The following RB1CC1 variants were observed in gnomAD, a reference collection of about 807,000 sequenced individuals.
The protein encoded by RB1CC1 is RB1 inducible coiled-coil 1.
A neutral mutation model predicts 177.5 loss-of-function variants in RB1CC1; 46 were observed. That is an observed-to-expected ratio of 0.26 (90% CI 0.20 to 0.33). The LOEUF is 0.33. Among genes scored for constraint, RB1CC1 ranks in the 10% least tolerant of loss-of-function variants. RB1CC1 has a pLI of 1.00. For missense variants in RB1CC1, 1,703 were observed against 1,816.3 expected, an observed-to-expected ratio of 0.94 and a Z score of 1.13; for synonymous variants, 666 against 613.6, an observed-to-expected ratio of 1.09 and a Z score of -1.26.
chr8:52,694,525 T>C (rs1855201723), intron 1 of RB1CC1, among the ~76,000 whole-genome samples: 1 of 152,188 alleles, frequency 6.6e-6, no homozygotes, highest in Non-Finnish European at 1.5e-5. Flanking sequence ...ATAGCCTCAA[T>C]TTTGCCTCTT....
At position 52,661,075 on chromosome 8, in the gene RB1CC1, A is replaced by G. The variant is rs1402772183; in HGVS notation, c.1545+20T>C. 1 of 1,611,402 alleles carries G rather than the reference A, an allele frequency of 6.2e-7. No individual in the cohort carries two copies. Among genetic ancestry groups the G allele is most frequent in the Middle Eastern group, 1.7e-4 (1 of 6,042 alleles). ...TCGTTAAAGTTCATATACAGTTAAA[A>G]TAGAATTCAACTTGCATACCTCCCT... is the stretch of plus-strand genomic sequence containing the variant. On this transcript the variant is annotated intron_variant, in intron 10 of 23. Coordinates refer to ENST00000025008, the MANE Select transcript of RB1CC1 (RefSeq NM_014781.5).
chr8:52,658,124 C>T lies in RB1CC1; in HGVS notation c.1794G>A (p.Arg598=), dbSNP rs778977249. ...FCPSEVQPFL[R]VPLLCDFEPL... is the part of the protein sequence containing the mutation. ...GTTCAAAGTCACAAAGTAAGGGAACCCTGAAACAGAATGCAATGCAATTAG... is the reference window on the plus strand; with the variant it reads ...GTTCAAAGTCACAAAGTAAGGGAACTCTGAAACAGAATGCAATGCAATTAG... The change falls in exon 14 of 24, where the codon AGG becomes AGA. Residue 598 remains arginine (R), a splice_region_variant and synonymous_variant. Coordinates refer to ENST00000025008, the MANE Select transcript of RB1CC1 (RefSeq NM_014781.5). 1.9e-6 allele frequency: 3 copies of T among 1,608,792 alleles called. No homozygotes were observed. Among genetic ancestry groups the T allele is most frequent in the East Asian group, 4.5e-5 (2 of 44,774 alleles).
chr8:52,706,772 C>T (rs1411778127), intron 1 of RB1CC1, among the ~76,000 whole-genome samples: 1 of 151,598 alleles, frequency 6.6e-6, no homozygotes, highest in Non-Finnish European at 1.5e-5. Context: ...GATTCTCTCT[C>T]CTCAGCCTCC....
At chr8:52,628,011 T>G in intron 22 of RB1CC1, 21 bp downstream of exon 22, 1 of 1,539,946 alleles carries the variant, frequency 6.5e-7, no homozygotes, top group Non-Finnish European at 8.7e-7. Context: ...GTTTATATTT[T>G]AGTCATGGAA....
Position 52,656,516 on chromosome 8 carries a change from T to C in RB1CC1, c.3313A>G (p.Ser1105Gly), listed in dbSNP as rs1326565066. The change falls in exon 15 of 24, where the codon AGT becomes GGT. Residue 1105 changes from serine to glycine, a missense_variant. Around this residue, in one of 6 missense-constraint regions of RB1CC1, gnomAD observed 1,169 missense variants for 1,184.7 expected, o/e 0.99. Coordinates refer to ENST00000025008, the MANE Select transcript of RB1CC1 (RefSeq NM_014781.5). ...QETENLRTEI[S>G]KLNQKIQDNN... Reference sequence around the variant, plus strand: ...TCCTGAATCTTTTGGTTGAGTTTACTAATTTCTGTTCTCAAATTTTCTGTC... The same window carrying C: ...TCCTGAATCTTTTGGTTGAGTTTACCAATTTCTGTTCTCAAATTTTCTGTC... 1.2e-6 allele frequency: 2 copies of C among 1,611,434 alleles called. No individual in the cohort carries two copies. The highest frequency in any genetic ancestry group is 4.5e-5 in the East Asian group (2 of 44,848).
At chr8:52,679,919 G>A (rs2150578058) in intron 5 of RB1CC1, among the ~76,000 whole-genome samples, 3 of 152,170 alleles carry the variant, frequency 2.0e-5, no homozygotes, top group Middle Eastern at 3.4e-3. Flanking sequence ...GCTAAATTTT[G>A]TCCAAGGAGA....
chr8:52,651,992 AAAG>A (rs750214182), intron 15 of RB1CC1, among the ~76,000 whole-genome samples: 3 of 152,292 alleles, frequency 2.0e-5, no homozygotes, highest in East Asian at 1.9e-4. Context: ...ATTTAGTAAC[AAAG>A]AAGAATATCG....
chr8:52,628,217 C>CT, intron 21 of RB1CC1, 49 bp from the exon 22 acceptor site: 1 of 1,550,510 alleles, frequency 6.4e-7, no homozygotes, highest in Non-Finnish European at 8.8e-7. Flanking sequence ...TTTCAATCCC[C>CT]CTATTCTGAA....
chr8:52,701,551 CCTTTTCTT>C (rs1856057624), intron 1 of RB1CC1, among the ~76,000 whole-genome samples: 1 of 152,114 alleles, frequency 6.6e-6, no homozygotes, highest in Non-Finnish European at 1.5e-5. Flanking sequence ...ATCATTACTT[CCTTTTCTT>C]CTTTTCTTTT....
intron 1 of RB1CC1, among the ~76,000 whole-genome samples, chr8:52,688,479 G>T (rs767314493): frequency 6.6e-6 from 1 of 152,160 alleles, no homozygotes. Context: ...GGCTTACTAC[G>T]GTGGTGGGGA....
intron 1 of RB1CC1, among the ~76,000 whole-genome samples, chr8:52,700,351 C>T (rs112832851): frequency 1.3e-3 from 193 of 148,802 alleles, no homozygotes; most frequent in Non-Finnish European, 2.0e-3. Flanking sequence ...TGGTGAGACT[C>T]CATATCTACA....
intron 1 of RB1CC1, among the ~76,000 whole-genome samples, chr8:52,696,671 A>G (rs534631531): frequency 3.3e-5 from 5 of 152,188 alleles, no homozygotes; most frequent in Admixed American, 6.5e-5. Flanking sequence ...AAAAACTTAA[A>G]AAGCAAAGAA....
intron 20 of RB1CC1, among the ~76,000 whole-genome samples, chr8:52,631,331 T>G (rs988689547): frequency 6.6e-5 from 10 of 152,092 alleles, no homozygotes; most frequent in Non-Finnish European, 1.2e-4. Context: ...TAGCTGGGCA[T>G]AATGGCAAGC....
chr8:52,637,836 A>G (rs1590932215), intron 18 of RB1CC1, among the ~76,000 whole-genome samples: 3 of 151,986 alleles, frequency 2.0e-5, no homozygotes, highest in African/African-American at 4.8e-5. Context: ...ATGCCCAGCT[A>G]ATTTTTCTAT....
chr8:52,636,105 T>C (rs1481322280), intron 18 of RB1CC1, 36 bp from the exon 19 acceptor site: 3 of 1,582,240 alleles, frequency 1.9e-6, no homozygotes, highest in Non-Finnish European at 2.6e-6. Flanking sequence ...AGTTTGAAAT[T>C]CTAAACTTTA....
At chr8:52,709,265 C>A (rs561365848) in intron 1 of RB1CC1, among the ~76,000 whole-genome samples, 1 of 152,140 alleles carries the variant, frequency 6.6e-6, no homozygotes, top group South Asian at 2.1e-4. Flanking sequence ...TCCAGATGTA[C>A]AGGAATAACA....
chr8:52,678,626 C>A (rs1853382283), intron 5 of RB1CC1, among the ~76,000 whole-genome samples: 2 of 152,006 alleles, frequency 1.3e-5, no homozygotes, highest in Admixed American at 6.6e-5. Flanking sequence ...ATATATTTTG[C>A]TGATATATTT....
rs191672221 is a variant in RB1CC1, at chr8:52,705,565, A to C, written c.-167+8510T>G. 1.2e-3 allele frequency among the ~76,000 whole-genome samples: 183 copies of C among 152,346 alleles called. 1 individual carries two copies. Among genetic ancestry groups the C allele is most frequent in the Admixed American group, 3.9e-3 (60 of 15,308 alleles). ...TATGTATCAAAATTTAAAATGTACA[A>C]ACCAGCAATTCTACTTCTGGGAGCA... On this transcript the variant is annotated intron_variant, in intron 1 of 23. Coordinates refer to ENST00000025008, the MANE Select transcript of RB1CC1 (RefSeq NM_014781.5).
chr8:52,694,416 A>G (rs779974305), intron 1 of RB1CC1, among the ~76,000 whole-genome samples: 22 of 152,124 alleles, frequency 1.4e-4, no homozygotes, highest in Non-Finnish European at 2.9e-4. Context: ...ACTGATGCCA[A>G]CTGGGCACAA....
Sources: allele counts gnomAD v4.1 joint callset (sites outside exome capture counted in the v4.1 genomes callset), GRCh38; gene constraint gnomAD v4.1.1; regional missense constraint gnomAD v4.1.1; transcripts MANE v1.5; gene names NCBI Gene and HGNC (gene_info 2026-07-23, HGNC 2026-07-21).